The following HADHB variants were observed in gnomAD, a reference collection of about 807,000 sequenced individuals.
The protein encoded by HADHB is hydroxyacyl-CoA dehydrogenase trifunctional multienzyme complex subunit beta.
HADHB carries 50 observed loss-of-function variants against 61.9 expected under a neutral mutation model. The ratio of observed to expected loss-of-function variants is 0.81; its 90% CI spans 0.64 to 1.02. The LOEUF is 1.02. HADHB is among the 50% of genes least tolerant of loss of function. HADHB has a pLI of 0.00. For missense variants in HADHB, 504 were observed against 586.5 expected, an observed-to-expected ratio of 0.86 and a Z score of 1.45; for synonymous variants, 191 against 201.6, an observed-to-expected ratio of 0.95 and a Z score of 0.45.
rs1302934278 is a variant in HADHB, at chr2:26,278,558, A to G, written c.443-56A>G. Reference sequence around the variant, plus strand: ...TTTTTAATCAAGAAGCTTAAATTGGAATGGTATGTTATTTTCTGTAAAAGA... The same window carrying G: ...TTTTTAATCAAGAAGCTTAAATTGGGATGGTATGTTATTTTCTGTAAAAGA... On this transcript the variant is annotated intron_variant, in intron 7 of 15. Coordinates refer to ENST00000317799, the MANE Select transcript of HADHB (RefSeq NM_000183.3). The G allele has an allele frequency of 5.1e-6, 7 of 1,377,920 alleles. No homozygotes were observed. The Admixed American group carries it at 1.2e-4, about 23-fold the overall frequency. 85.4% of individuals were successfully genotyped at this position (1,377,920 alleles called of 1,614,324 possible).
At position 26,277,079 on chromosome 2, in the gene HADHB, C is replaced by A; in HGVS notation, c.361C>A (p.Leu121Ile). The A allele has an allele frequency of 6.3e-7, 1 of 1,576,236 alleles. No individual in the cohort carries two copies. The highest frequency in any genetic ancestry group is 8.7e-7 in the Non-Finnish European group (1 of 1,145,982). The change falls in exon 7 of 16, where the codon CTT becomes ATT. Residue 121 changes from leucine to isoleucine, a missense_variant. Transcript: ENST00000317799. ...KTSNVAREAALGAGFSDKTPA... is the reference protein window; with the variant it reads ...KTSNVAREAAIGAGFSDKTPA... ...TTCACTCTATTTCCTAAAGGCTGCC[C>A]TTGGAGCTGGCTTCTCTGACAAGAC...
Position 26,284,882 on chromosome 2 carries a change from G to T in HADHB, c.1150-1G>T, listed in dbSNP as rs1672959153. ...TCTTATTCGATTATTTTCTCTTCCA[G>T]GGTCAGATTTTGGCAAATTTTAAAG... On this transcript the variant is annotated splice_acceptor_variant, in intron 13 of 15. Transcript: ENST00000317799. LOFTEE classifies it high-confidence loss of function. 11 of 1,513,432 alleles carry T rather than the reference G, an allele frequency of 7.3e-6. No individual in the cohort carries two copies. Among genetic ancestry groups the T allele is most frequent in the Non-Finnish European group, 1.0e-5 (11 of 1,088,236 alleles). 93.8% of individuals were successfully genotyped at this position (1,513,432 alleles called of 1,614,324 possible).
At chr2:26,288,536 C>T (rs891801886) in intron 15 of HADHB, among the ~76,000 whole-genome samples, 12 of 151,822 alleles carry the variant, frequency 7.9e-5, no homozygotes, top group Admixed American at 7.2e-4. Flanking sequence ...TGGCAAAACC[C>T]CATCTCTACT....
intron 3 of HADHB, among the ~76,000 whole-genome samples, chr2:26,261,920 C>A (rs1671883384): frequency 1.3e-5 from 2 of 152,012 alleles, no homozygotes; most frequent in South Asian, 4.1e-4. Context: ...TGCCAACATA[C>A]CTTGTTTTCT....
chr2:26,289,143 G>C (rs1236871674), intron 15 of HADHB, among the ~76,000 whole-genome samples: 5 of 152,106 alleles, frequency 3.3e-5, no homozygotes, highest in Non-Finnish European at 7.4e-5. Context: ...CCAGCTACTC[G>C]GGAGGCTGAG....
chr2:26,245,248 G>A (rs143009509), intron 1 of HADHB: 99 of 174,462 alleles, frequency 5.7e-4, no homozygotes, highest in African/African-American at 2.1e-3. Flanking sequence ...AGTTAACGAA[G>A]TCTGGGGGTG....
At chr2:26,254,555 C>A in intron 3 of HADHB, 81 bp downstream of exon 3, 3 of 961,510 alleles carry the variant, frequency 3.1e-6, no homozygotes, top group Non-Finnish European at 5.1e-6. Flanking sequence ...TGAATAAAAA[C>A]CAAAACTAAT....
intron 14 of HADHB, 135 bp from the exon 15 acceptor site, chr2:26,285,272 T>G (rs2147832669): frequency 2.7e-6 from 2 of 737,552 alleles, no homozygotes; most frequent in East Asian, 5.2e-5. Flanking sequence ...TACTTTCTTT[T>G]GCAGTAAAAT....
chr2:26,259,026 A>G (rs974954613), intron 3 of HADHB, among the ~76,000 whole-genome samples: 1 of 152,166 alleles, frequency 6.6e-6, no homozygotes, highest in African/African-American at 2.4e-5. Flanking sequence ...CCCTCTCACC[A>G]TGATGAAACC....
chr2:26,264,991 A>G (rs1672017526), intron 4 of HADHB, among the ~76,000 whole-genome samples: 1 of 145,332 alleles, frequency 6.9e-6, no homozygotes, highest in Non-Finnish European at 1.5e-5. Context: ...CCCTGTTTCA[A>G]AAAAAAAAAA....
chr2:26,274,144 A>G (rs1672452758), intron 6 of HADHB, among the ~76,000 whole-genome samples: 1 of 152,248 alleles, frequency 6.6e-6, no homozygotes, highest in Non-Finnish European at 1.5e-5. Context: ...GACTTTTGTT[A>G]GCTGGAAGTA....
intron 15 of HADHB, among the ~76,000 whole-genome samples, chr2:26,287,184 CAG>C (rs1673070629): frequency 6.6e-6 from 1 of 152,098 alleles, no homozygotes; most frequent in South Asian, 2.1e-4. Context: ...AGCCTGGTGA[CAG>C]AGAGAGACTC....
At chr2:26,285,621 A>G in intron 15 of HADHB, 50 bp downstream of exon 15, 1 of 1,386,164 alleles carries the variant, frequency 7.2e-7, no homozygotes, top group Non-Finnish European at 1.0e-6. Flanking sequence ...TTTTCTTGGA[A>G]TGACTAGAAT....
chr2:26,278,474 C>CT, intron 7 of HADHB, 140 bp from the exon 8 acceptor site: 1 of 748,880 alleles, frequency 1.3e-6, no homozygotes, highest in Non-Finnish European at 2.3e-6. Flanking sequence ...CTTAATTCTT[C>CT]TGAAAAGTTG....
intron 6 of HADHB, among the ~76,000 whole-genome samples, chr2:26,274,342 T>C (rs747766846): frequency 3.9e-5 from 6 of 152,210 alleles, no homozygotes; most frequent in Non-Finnish European, 5.9e-5. Flanking sequence ...TCCAAACACG[T>C]CTTCTGGGCT....
chr2:26,255,804 C>T (rs919948003), intron 3 of HADHB, among the ~76,000 whole-genome samples: 1 of 152,164 alleles, frequency 6.6e-6, no homozygotes, highest in African/African-American at 2.4e-5. Flanking sequence ...TGTCATATAA[C>T]AAATATATTT....
intron 1 of HADHB, among the ~76,000 whole-genome samples, chr2:26,250,995 T>G (rs547176460): frequency 3.6e-4 from 54 of 150,984 alleles, no homozygotes; most frequent in African/African-American, 1.3e-3. Flanking sequence ...TTCCAAATGT[T>G]TAGCCATTTT....
In HADHB at chr2:26,283,147, AT is replaced by A. The variant is rs1186811832; in HGVS notation, c.1061+99del. The A allele has an allele frequency of 1.5e-5, 13 of 852,424 alleles. No individual in the cohort carries two copies. In the African/African-American group the frequency reaches 1.7e-4, roughly 11 times the overall value. The allele number at this position is 852,424 out of a possible 1,614,324, so 52.8% of individuals were successfully genotyped here. A position where few individuals can be genotyped will look rare whatever the true frequency, so the allele number is the denominator to read the frequency against. The stretch of plus-strand genomic sequence containing the variant: ...AATAAATGATTAACACTGGTTTATT[AT>A]TTATTTGTTTATTACACTGGTTTGA... On this transcript the variant is annotated intron_variant, in intron 12 of 15. Coordinates refer to ENST00000317799, the MANE Select transcript of HADHB (RefSeq NM_000183.3).
At chr2:26,277,433 G>A (rs371040396) in intron 7 of HADHB, among the ~76,000 whole-genome samples, 3 of 151,650 alleles carry the variant, frequency 2.0e-5, no homozygotes, top group Admixed American at 6.6e-5. Flanking sequence ...ACGGGATCTC[G>A]CCATGTTGCC....
Sources: gnomAD v4.1 joint callset for allele counts (sites outside exome capture counted in the v4.1 genomes callset) on GRCh38, gnomAD v4.1.1 for gene constraint, MANE v1.5 for transcripts, NCBI Gene and HGNC (gene_info 2026-07-23, HGNC 2026-07-21) for gene names.